EFCAB13: variants seen among roughly 807,000 people sequenced by gnomAD.
EFCAB13 encodes the protein EF-hand calcium binding domain 13.
Under a neutral mutation model 110.2 loss-of-function variants are expected in EFCAB13, and 91 were observed. The observed-to-expected ratio is 0.83, with a 90% CI of 0.70 to 0.98. EFCAB13 has a LOEUF of 0.98. EFCAB13 is among the 50% of genes least tolerant of loss of function. EFCAB13 has a pLI of 0.00. For synonymous variants in EFCAB13, 323 were observed against 369.9 expected (o/e 0.87, Z 1.45); for missense variants, 968 against 1,119.4 (o/e 0.86, Z 1.93).
chr17:47,349,437 A>G (rs956884525), intron 9 of EFCAB13, among the ~76,000 whole-genome samples: 3 of 152,224 alleles, frequency 2.0e-5, no homozygotes, highest in Non-Finnish European at 2.9e-5. Flanking sequence ...GCACTGCAGT[A>G]TCTACAGTAC....
At chr17:47,339,545 T>A (rs2065371497) in intron 5 of EFCAB13, among the ~76,000 whole-genome samples, 1 of 152,088 alleles carries the variant, frequency 6.6e-6, no homozygotes, top group Non-Finnish European at 1.5e-5. Context: ...TGGTAATGCT[T>A]ACTCGCCAGC....
At chr17:47,382,254 G>A (rs1479865124) in intron 14 of EFCAB13, among the ~76,000 whole-genome samples, 1 of 152,116 alleles carries the variant, frequency 6.6e-6, no homozygotes, top group Non-Finnish European at 1.5e-5. Flanking sequence ...AGGAGATTTT[G>A]GGCTGAGACG....
chr17:47,373,625 C>T (rs2065597694), intron 11 of EFCAB13, among the ~76,000 whole-genome samples: 1 of 152,066 alleles, frequency 6.6e-6, no homozygotes, highest in African/African-American at 2.4e-5. Flanking sequence ...TCAGAAGTGT[C>T]AAAGATTATA....
chr17:47,393,717 A>AAAATAAAT (rs142944677), intron 15 of EFCAB13, among the ~76,000 whole-genome samples: 9,971 of 142,154 alleles, frequency 0.07, 407 homozygotes, highest in African/African-American at 0.11. Flanking sequence ...CTCTTTCTCA[A>AAAATAAAT]AAATAAATAA....
At chr17:47,439,174 T>TG (rs1905267609) in intron 24 of EFCAB13, among the ~76,000 whole-genome samples, 1 of 124,008 alleles carries the variant, frequency 8.1e-6, no homozygotes, top group Non-Finnish European at 1.7e-5. Flanking sequence ...TTGTTTTGTT[T>TG]TTTTTTTTTT....
chr17:47,366,886 C>G (rs2065549657), intron 10 of EFCAB13, among the ~76,000 whole-genome samples: 1 of 152,200 alleles, frequency 6.6e-6, no homozygotes, highest in African/African-American at 2.4e-5. Flanking sequence ...CATTGGACTT[C>G]TGTTCAGAGA....
At chr17:47,395,569 C>T (rs2065732625) in intron 16 of EFCAB13, among the ~76,000 whole-genome samples, 1 of 152,016 alleles carries the variant, frequency 6.6e-6, no homozygotes, top group South Asian at 2.1e-4. Flanking sequence ...AATCTAACTT[C>T]AATAAAAATT....
At chr17:47,351,307 G>A (rs1379019060) in intron 9 of EFCAB13, among the ~76,000 whole-genome samples, 1 of 108,700 alleles carries the variant, frequency 9.2e-6, no homozygotes, top group Non-Finnish European at 2.1e-5. Context: ...GTGTGTGTGC[G>A]CGCGCGCGCG....
At chr17:47,355,814 G>A (rs532484949) in intron 9 of EFCAB13, among the ~76,000 whole-genome samples, 1 of 151,774 alleles carries the variant, frequency 6.6e-6, no homozygotes, top group African/African-American at 2.4e-5. Flanking sequence ...CTCATGATCC[G>A]CCTGCCTTGG....
At chr17:47,331,798 G>A (rs1364274555) in intron 4 of EFCAB13, among the ~76,000 whole-genome samples, 1 of 152,046 alleles carries the variant, frequency 6.6e-6, no homozygotes, top group Non-Finnish European at 1.5e-5. Context: ...GCCTTTTCCA[G>A]AATGTCATAT....
chr17:47,380,730 C>G (rs2065642629), intron 14 of EFCAB13, among the ~76,000 whole-genome samples: 1 of 152,190 alleles, frequency 6.6e-6, no homozygotes, highest in East Asian at 1.9e-4. Context: ...TCCACATCCT[C>G]TTCAGCATCT....
rs540840781 is a variant in EFCAB13 at position 47,396,066 on chromosome 17, G to A, written c.1945+89G>A. The A allele has an allele frequency of 8.7e-6, 10 of 1,154,784 alleles. No homozygotes were observed. In the African/African-American group the frequency reaches 1.1e-4, roughly 12 times the overall value. The allele number at this position is 1,154,784 out of a possible 1,614,324, so 71.5% of individuals were successfully genotyped here. A position where few individuals can be genotyped will look rare whatever the true frequency, so the allele number is the denominator to read the frequency against. On this transcript the variant is annotated intron_variant, in intron 17 of 24. Coordinates refer to ENST00000331493, the MANE Select transcript of EFCAB13 (RefSeq NM_152347.5). ...CTTGTCATTGTATCTTGTACTTGGC[G>A]AGACGGAGTGTTCGAATATGATTGA...
chr17:47,387,432 C>T (rs2065682623), intron 14 of EFCAB13, among the ~76,000 whole-genome samples: 1 of 152,182 alleles, frequency 6.6e-6, no homozygotes, highest in Non-Finnish European at 1.5e-5. Flanking sequence ...GATTGCATTG[C>T]AGTCTCTCTC....
chr17:47,440,783 G>A lies in EFCAB13; in HGVS notation c.*69G>A. Reference sequence around the variant, plus strand: ...TATTCAGTATGCATATTTGACTTCTGAAATTATTAGAAAATAATTTTTAAA... The same window carrying A: ...TATTCAGTATGCATATTTGACTTCTAAAATTATTAGAAAATAATTTTTAAA... On this transcript the variant is annotated 3_prime_UTR_variant, in exon 25 of 25. Coordinates refer to ENST00000331493, the MANE Select transcript of EFCAB13 (RefSeq NM_152347.5). 3 of 1,236,986 alleles carry A rather than the reference G, an allele frequency of 2.4e-6. No homozygotes were observed. Among genetic ancestry groups the A allele is most frequent in the Non-Finnish European group, 3.3e-6 (3 of 921,134 alleles). The allele number at this position is 1,236,986 out of a possible 1,614,324, so 76.6% of individuals were successfully genotyped here. A position where few individuals can be genotyped will look rare whatever the true frequency, so the allele number is the denominator to read the frequency against.
chr17:47,341,567 G>A (rs1050874947), intron 5 of EFCAB13: 2 of 157,266 alleles, frequency 1.3e-5, no homozygotes, highest in Admixed American at 6.5e-5. Flanking sequence ...CACCATGTTT[G>A]CCAGGCTCGT....
chr17:47,438,121 T>C (rs1905245450), intron 24 of EFCAB13, among the ~76,000 whole-genome samples: 1 of 152,218 alleles, frequency 6.6e-6, no homozygotes, highest in Admixed American at 6.5e-5. Context: ...TAATCCCTTC[T>C]ACCTTGTAGG....
intron 10 of EFCAB13, among the ~76,000 whole-genome samples, chr17:47,363,558 T>G (rs1489600132): frequency 6.7e-6 from 1 of 149,152 alleles, no homozygotes; most frequent in Admixed American, 6.8e-5. Context: ...TATAATAGAG[T>G]GTACATAGGC....
At chr17:47,434,299 C>T (rs747976710) in intron 24 of EFCAB13, among the ~76,000 whole-genome samples, 1 of 151,090 alleles carries the variant, frequency 6.6e-6, no homozygotes, top group Non-Finnish European at 1.5e-5. Flanking sequence ...AACTCAATCC[C>T]CTTCACAACA....
chr17:47,393,395 G>A (rs907614264), intron 15 of EFCAB13, among the ~76,000 whole-genome samples: 9 of 152,056 alleles, frequency 5.9e-5, no homozygotes, highest in African/African-American at 2.2e-4. Flanking sequence ...AAATCTCTTG[G>A]ACTTAAGTAC....
Sources: gnomAD v4.1 joint callset for allele counts (sites outside exome capture counted in the v4.1 genomes callset) on GRCh38, gnomAD v4.1.1 for gene constraint, MANE v1.5 for transcripts, NCBI Gene and HGNC (gene_info 2026-07-23, HGNC 2026-07-21) for gene names.